RDH11: variants seen among roughly 807,000 people sequenced by gnomAD.
RDH11 encodes the protein retinol dehydrogenase 11, also known as HCV core-binding protein HCBP12.
In RDH11, 19 loss-of-function variants were observed where a neutral mutation model predicts 33.4. That is an observed-to-expected ratio of 0.57 (90% confidence interval 0.40 to 0.83). The LOEUF is 0.83. Among genes scored for constraint, RDH11 ranks in the 40% least tolerant of loss-of-function variants. The pLI, the probability that RDH11 is intolerant of heterozygous loss-of-function variation, is 0.00. For synonymous variants in RDH11, 154 were observed against 155.3 expected (o/e 0.99, Z 0.06); for missense variants, 353 against 389.0 (o/e 0.91, Z 0.78).
At chr14:67,686,996 T>C (rs997319611) in intron 5 of RDH11, among the ~76,000 whole-genome samples, 4 of 152,172 alleles carry the variant, frequency 2.6e-5, no homozygotes, top group African/African-American at 7.2e-5. Context: ...AGGTCCCAAA[T>C]TGATTTCTAC....
In RDH11 at chr14:67,685,189, G is replaced by A. The variant is rs763011052; in HGVS notation, c.680C>T (p.Thr227Met). Reference protein sequence around the residue: ...ARRLKGSGVTTYSVHPGTVQS... With the variant: ...ARRLKGSGVTMYSVHPGTVQS... ...GACTGTGCCAGGGTGTACAGAATAC[G>A]TCGTAACGCCAGAGCCTGGTTGGGG... is the stretch of plus-strand genomic sequence containing the variant. Residue 227 changes from threonine to methionine, a missense_variant, in exon 6 of 7, where the codon ACG becomes ATG. Transcript: ENST00000381346. The A allele has an allele frequency of 2.2e-5, 35 of 1,612,614 alleles. No individual in the cohort carries two copies. In the East Asian group the frequency reaches 6.2e-4, roughly 29 times the overall value.
chr14:67,678,966 C>G (rs1398811542), intron 6 of RDH11, among the ~76,000 whole-genome samples: 2 of 152,150 alleles, frequency 1.3e-5, no homozygotes, highest in African/African-American at 4.8e-5. Flanking sequence ...AATGGTAAAA[C>G]CAAGGTACGA....
intron 6 of RDH11, among the ~76,000 whole-genome samples, chr14:67,683,277 A>C (rs995305319): frequency 5.3e-5 from 8 of 152,042 alleles, no homozygotes; most frequent in Non-Finnish European, 7.4e-5. Context: ...ACCAAGATAA[A>C]GGGTTATTTT....
At chr14:67,687,784 A>AT (rs1473311304) in intron 5 of RDH11, among the ~76,000 whole-genome samples, 1 of 96,254 alleles carries the variant, frequency 1.0e-5, no homozygotes, top group Non-Finnish European at 2.1e-5. Context: ...TTTTTTTTTC[A>AT]TTTTTTCAGA....
At chr14:67,691,882 A>G (rs1379111056) in intron 3 of RDH11, 4 of 154,046 alleles carry the variant, frequency 2.6e-5, no homozygotes, top group Admixed American at 1.3e-4. Context: ...CAAACCCATA[A>G]ATATCCTCAT....
At chr14:67,681,180 G>C (rs1025215402) in intron 6 of RDH11, among the ~76,000 whole-genome samples, 1 of 152,210 alleles carries the variant, frequency 6.6e-6, no homozygotes, top group Non-Finnish European at 1.5e-5. Context: ...TGTGTACATA[G>C]AGGAAAGGCC....
At chr14:67,693,724 C>T (rs1216678585) in intron 1 of RDH11, among the ~76,000 whole-genome samples, 1 of 150,392 alleles carries the variant, frequency 6.6e-6, no homozygotes, top group East Asian at 2.0e-4. Flanking sequence ...TCTCGGCTCA[C>T]TGCAACCTCC....
intron 5 of RDH11, among the ~76,000 whole-genome samples, chr14:67,685,492 C>T (rs78600228): frequency 6.6e-6 from 1 of 152,144 alleles, no homozygotes; most frequent in Non-Finnish European, 1.5e-5. Context: ...TCGTTGACCA[C>T]CCCCTTCTTT....
At chr14:67,695,518 A>T (rs1292568760) in intron 1 of RDH11, 112 bp downstream of exon 1, 2 of 1,082,136 alleles carry the variant, frequency 1.8e-6, no homozygotes, top group Non-Finnish European at 2.6e-6. Flanking sequence ...GGGCTCCGCC[A>T]TCTTGGAGCC....
At chr14:67,685,243 T>A in intron 5 of RDH11, 39 bp from the exon 6 acceptor site, 1 of 1,565,266 alleles carries the variant, frequency 6.4e-7, no homozygotes, top group Non-Finnish European at 8.7e-7. Context: ...AAGACAGGAC[T>A]TGATTTTGCA....
At chr14:67,689,059 T>C (rs543366433) in intron 5 of RDH11, among the ~76,000 whole-genome samples, 104 of 152,324 alleles carry the variant, frequency 6.8e-4, no homozygotes, top group African/African-American at 2.4e-3. Context: ...TATTAGTGAA[T>C]TCTCACCACT....
At position 67,678,182 on chromosome 14, in the gene RDH11, T is replaced by C. The variant is rs747732542; in HGVS notation, c.*139A>G. On this transcript the variant is annotated 3_prime_UTR_variant, in exon 7 of 7. Coordinates refer to ENST00000381346, the MANE Select transcript of RDH11 (RefSeq NM_016026.4). ...ATCTGGCAGTACACTGAGTTTTAAC[T>C]GGACACCAAGCAGGCAAGGCTGGAA... is the stretch of plus-strand genomic sequence containing the variant. 2.4e-5 allele frequency: 15 copies of C among 613,400 alleles called. No homozygotes were observed. Among genetic ancestry groups the C allele is most frequent in the Non-Finnish European group, 4.4e-5 (15 of 340,068 alleles). The allele number at this position is 613,400 out of a possible 1,614,324, so 38.0% of individuals were successfully genotyped here. A position where few individuals can be genotyped will look rare whatever the true frequency, so the allele number is the denominator to read the frequency against.
intron 5 of RDH11, among the ~76,000 whole-genome samples, chr14:67,688,089 A>G (rs2037704045): frequency 6.6e-6 from 1 of 151,962 alleles, no homozygotes; most frequent in South Asian, 2.1e-4. Flanking sequence ...TCCACATTCT[A>G]TCAGTACCTC....
At chr14:67,686,853 G>C (rs140647871) in intron 5 of RDH11, among the ~76,000 whole-genome samples, 1 of 152,234 alleles carries the variant, frequency 6.6e-6, no homozygotes, top group Non-Finnish European at 1.5e-5. Context: ...GCTGCCAAAT[G>C]AGTTTTGGTG....
chr14:67,688,800 T>C (rs1441395996), intron 5 of RDH11, among the ~76,000 whole-genome samples: 1 of 152,180 alleles, frequency 6.6e-6, no homozygotes, highest in Non-Finnish European at 1.5e-5. Context: ...ATTTAATAGT[T>C]TGTATAAAGA....
rs1726299567 is a variant in RDH11 at position 67,676,927 on chromosome 14, A to G, written c.*1394T>C. On this transcript the variant is annotated 3_prime_UTR_variant, in exon 7 of 7. Transcript: ENST00000381346. ...AATTAAGTAAAACATTAATTCATTT[A>G]TTCTGCACTATTATCAGAATTTTTC... The G allele has an allele frequency of 1.3e-5, 2 of 152,244 alleles. No individual in the cohort carries two copies. The highest frequency in any genetic ancestry group is 4.1e-4 in the South Asian group (2 of 4,832). 9.4% of individuals were successfully genotyped at this position (152,244 alleles called of 1,614,324 possible). A position where few individuals can be genotyped will look rare whatever the true frequency, so the allele number is the denominator to read the frequency against.
intron 5 of RDH11, among the ~76,000 whole-genome samples, chr14:67,688,598 CTT>C (rs34047695): frequency 1.5e-4 from 21 of 136,448 alleles, no homozygotes; most frequent in Admixed American, 1.5e-4. Context: ...GCTTTGAACT[CTT>C]TTTTTTTTTT....
At chr14:67,687,974 A>C (rs1362427353) in intron 5 of RDH11, among the ~76,000 whole-genome samples, 1 of 148,210 alleles carries the variant, frequency 6.7e-6, no homozygotes, top group Non-Finnish European at 1.5e-5. Flanking sequence ...GCTTTCACCA[A>C]GTTGGCCAGG....
intron 5 of RDH11, among the ~76,000 whole-genome samples, chr14:67,687,467 CTT>C (rs67069556): frequency 2.0e-3 from 162 of 79,674 alleles, no homozygotes; most frequent in African/African-American, 3.5e-3. Context: ...CTCCATATTC[CTT>C]TTTTTTTTTT....
Sources: gnomAD v4.1 joint callset for allele counts (sites outside exome capture counted in the v4.1 genomes callset) on GRCh38, gnomAD v4.1.1 for gene constraint, MANE v1.5 for transcripts, NCBI Gene and HGNC (gene_info 2026-07-23, HGNC 2026-07-21) for gene names.